Variants in ZXDC observed in about 807,000 individuals in gnomAD.
ZXDC encodes the protein zinc finger protein ZXDC.
In ZXDC, 58 loss-of-function variants were observed where a neutral mutation model predicts 63.6. The observed-to-expected ratio is 0.91, with a 90% CI of 0.74 to 1.13. The LOEUF (loss-of-function observed/expected upper bound fraction) is 1.13. ZXDC is among the 50% of genes most tolerant of loss of function. The probability of loss-of-function intolerance (pLI) is 0.00; values close to 1 mark genes in which losing one functional copy is unlikely to be tolerated. For synonymous variants in ZXDC, 561 were observed against 496.1 expected (o/e 1.13, Z -1.74); for missense variants, 1,133 against 1,148.9 (o/e 0.99, Z 0.20).
chr3:126,475,431 G>A lies in ZXDC; in HGVS notation c.435C>T (p.Leu145=). Residue 145 remains leucine (L), a synonymous_variant, in exon 1 of 10, where the codon CTC becomes CTT. Coordinates refer to ENST00000389709, the MANE Select transcript of ZXDC (RefSeq NM_025112.5). ...DLLVRLDRGV[L]ALSAPPGPAT... ...CGGGGCCGGGCGGCGCAGACAGCGC[G>A]AGGACGCCGCGGTCGAGACGCACCA... 1.7e-6 allele frequency: 2 copies of A among 1,186,550 alleles called. No individual in the cohort carries two copies. Among genetic ancestry groups the A allele is most frequent in the Non-Finnish European group, 2.1e-6 (2 of 960,258 alleles). The allele number at this position is 1,186,550 out of a possible 1,614,324, so 73.5% of individuals were successfully genotyped here. A position where few individuals can be genotyped will look rare whatever the true frequency, so the allele number is the denominator to read the frequency against.
chr3:126,460,931 G>A, intron 6 of ZXDC: 2 of 985,190 alleles, frequency 2.0e-6, no homozygotes, highest in Non-Finnish European at 1.2e-6. Flanking sequence ...TCTAGGTCAG[G>A]AAAGTCAGAC....
chr3:126,459,710 A>C lies in ZXDC; in HGVS notation c.2155T>G (p.Tyr719Asp). The change falls in exon 7 of 10, where the codon TAC becomes GAC. Residue 719 changes from tyrosine to aspartate, a missense_variant. By Grantham distance (160) the Tyr-to-Asp change is radical. Transcript: ENST00000389709. ...TCCTTGGCTAGTTGAATGGCTCGGT[A>C]ATCAGTTCTTGCTGAGCCCCCACTT... ...LESGGSARTD[Y>D]RAIQLAKEKK... 1 of 1,614,140 alleles carries C rather than the reference A, an allele frequency of 6.2e-7. No homozygotes were observed. The highest frequency in any genetic ancestry group is 8.5e-7 in the Non-Finnish European group (1 of 1,180,018).
At chr3:126,443,578 A>C (rs941176910) in intron 7 of ZXDC, among the ~76,000 whole-genome samples, 2 of 152,246 alleles carry the variant, frequency 1.3e-5, no homozygotes, top group Admixed American at 6.5e-5. Context: ...GACTTGCTGG[A>C]TACAGGTTTG....
chr3:126,462,107 G>A lies in ZXDC; in HGVS notation c.1555C>T (p.Pro519Ser). The A allele has an allele frequency of 6.2e-7, 1 of 1,614,100 alleles. No individual in the cohort carries two copies. Among genetic ancestry groups the A allele is most frequent in the Non-Finnish European group, 8.5e-7 (1 of 1,180,032 alleles). The change falls in exon 6 of 10, where the codon CCT becomes TCT. Residue 519 changes from proline (P) to serine (S), a missense_variant. Physicochemically the swap from Pro to Ser is moderately conservative, Grantham distance 74. Transcript: ENST00000389709. ...MDLAALFSDT[P>S]ANASGSAGGS... The stretch of plus-strand genomic sequence containing the variant: ...CCTGCAGAACCACTAGCATTGGCAG[G>A]TGTGTCAGAGAAGAGTGCAGCAAGA...
chr3:126,459,516 G>A (rs375047513), intron 7 of ZXDC, 137 bp downstream of exon 7: 1 of 1,498,056 alleles, frequency 6.7e-7, no homozygotes, highest in East Asian at 2.3e-5. Context: ...ATAAAACTAA[G>A]GAGTTGATAA....
At position 126,471,969 on chromosome 3, in the gene ZXDC, T is replaced by C; in HGVS notation, c.1139+4A>G. 6.2e-7 allele frequency: 1 copy of C among 1,608,958 alleles called. No homozygotes were observed. The highest frequency in any genetic ancestry group is 2.2e-5 in the East Asian group (1 of 44,830). On this transcript the variant is annotated splice_donor_region_variant and intron_variant, in intron 3 of 9. Coordinates refer to ENST00000389709, the MANE Select transcript of ZXDC (RefSeq NM_025112.5). Reference sequence around the variant, plus strand: ...GATAATGCAAACCAAAATGTAAGGATTACCTTCTGTGCCTTAGAAGTTTGG... The same window carrying C: ...GATAATGCAAACCAAAATGTAAGGACTACCTTCTGTGCCTTAGAAGTTTGG...
At chr3:126,457,271 G>A in intron 7 of ZXDC, 2 of 985,358 alleles carry the variant, frequency 2.0e-6, no homozygotes, top group African/African-American at 1.7e-5. Flanking sequence ...GGGGAGGCGG[G>A]CAAAGGCATC....
intron 9 of ZXDC, 137 bp downstream of exon 9, chr3:126,439,495 T>C: frequency 6.9e-7 from 1 of 1,444,218 alleles, no homozygotes; most frequent in Non-Finnish European, 9.4e-7. Context: ...CAGCAAGACA[T>C]CCTGGCAACC....
intron 7 of ZXDC, chr3:126,458,694 C>A (rs1201775530): frequency 3.0e-6 from 3 of 985,398 alleles, no homozygotes; most frequent in East Asian, 2.3e-4. Flanking sequence ...AGATTATCTA[C>A]CAGGTTCAAT....
chr3:126,440,918 T>A (rs1933650989), intron 8 of ZXDC: 1 of 985,560 alleles, frequency 1.0e-6, no homozygotes, highest in Non-Finnish European at 1.2e-6. Context: ...CGTGCCTGTT[T>A]CCCAACTCAG....
At chr3:126,453,625 C>G in intron 7 of ZXDC, 2 of 985,474 alleles carry the variant, frequency 2.0e-6, no homozygotes, top group Non-Finnish European at 2.4e-6. Flanking sequence ...AGGGAAGTCA[C>G]TGGCTCAAGA....
intron 8 of ZXDC, 68 bp downstream of exon 8, chr3:126,441,697 C>A (rs1230043810): frequency 6.8e-7 from 1 of 1,475,830 alleles, no homozygotes; most frequent in African/African-American, 1.4e-5. Context: ...GCATGCCGCA[C>A]ACTGCTCAGA....
chr3:126,451,170 A>T, intron 7 of ZXDC: 1 of 985,396 alleles, frequency 1.0e-6, no homozygotes, highest in Non-Finnish European at 1.2e-6. Flanking sequence ...AGTATTTTCC[A>T]ATAGAAAAAG....
chr3:126,440,032 A>C, intron 8 of ZXDC: 1 of 1,214,212 alleles, frequency 8.2e-7, no homozygotes, highest in Non-Finnish European at 1.0e-6. Context: ...ACGCTCCTCA[A>C]CTCCTTGCAG....
chr3:126,456,374 C>T (rs910760553), intron 7 of ZXDC, among the ~76,000 whole-genome samples: 1 of 152,230 alleles, frequency 6.6e-6, no homozygotes, highest in Non-Finnish European at 1.5e-5. Context: ...CTCGGGCACA[C>T]AGCGCCAGCT....
At chr3:126,454,387 G>C in intron 7 of ZXDC, 1 of 985,408 alleles carries the variant, frequency 1.0e-6, no homozygotes, top group Non-Finnish European at 1.2e-6. Context: ...CACATGAACA[G>C]CAACCAAAAA....
intron 6 of ZXDC, chr3:126,460,257 G>T: frequency 3.2e-6 from 2 of 625,882 alleles, no homozygotes; most frequent in Non-Finnish European, 4.0e-6. Context: ...GCCTGAGGGA[G>T]TCAGACAGTA....
chr3:126,453,533 A>T (rs1205923300), intron 7 of ZXDC: 1 of 985,336 alleles, frequency 1.0e-6, no homozygotes, highest in Non-Finnish European at 1.2e-6. Context: ...AAGTGTTTCT[A>T]AGACCCTCAC....
At chr3:126,449,802 C>A (rs1419311310) in intron 7 of ZXDC, among the ~76,000 whole-genome samples, 2 of 152,170 alleles carry the variant, frequency 1.3e-5, no homozygotes, top group East Asian at 3.9e-4. Flanking sequence ...CCTGCAGAGG[C>A]CAGGTGTCTG....
Sources: gnomAD v4.1 joint callset for allele counts (sites outside exome capture counted in the v4.1 genomes callset) on GRCh38, gnomAD v4.1.1 for gene constraint, MANE v1.5 for transcripts, NCBI Gene and HGNC (gene_info 2026-07-23, HGNC 2026-07-21) for gene names.